Variants in STX8 observed in about 807,000 individuals in gnomAD.
STX8 encodes syntaxin 8.
Under a neutral mutation model 37.5 loss-of-function variants are expected in STX8, and 23 were observed. The ratio of observed to expected loss-of-function variants is 0.61; its 90% CI spans 0.44 to 0.87. The LOEUF is 0.87. STX8 is among the 40% of genes least tolerant of loss of function. The pLI is 0.00. For missense variants in STX8, 313 were observed against 284.7 expected, an observed-to-expected ratio of 1.10 and a Z score of -0.71; for synonymous variants, 115 against 99.1, an observed-to-expected ratio of 1.16 and a Z score of -0.95.
At chr17:9,362,363 G>A (rs1173154074) in intron 7 of STX8, among the ~76,000 whole-genome samples, 3 of 152,102 alleles carry the variant, frequency 2.0e-5, no homozygotes, top group African/African-American at 7.2e-5. Flanking sequence ...CAGCCCTAGA[G>A]CTATAATGCC....
intron 4 of STX8, among the ~76,000 whole-genome samples, chr17:9,539,140 C>T (rs1377996777): frequency 6.6e-6 from 1 of 152,188 alleles, no homozygotes; most frequent in African/African-American, 2.4e-5. Flanking sequence ...TGTCACATGA[C>T]AGCTATACAT....
At chr17:9,421,317 G>A (rs906225056) in intron 6 of STX8, among the ~76,000 whole-genome samples, 12 of 148,170 alleles carry the variant, frequency 8.1e-5, no homozygotes, top group African/African-American at 2.0e-4. Flanking sequence ...GCTTGAACCC[G>A]CGAGGCAGAG....
chr17:9,290,225 T>G (rs1213705270), intron 7 of STX8, among the ~76,000 whole-genome samples: 2 of 152,134 alleles, frequency 1.3e-5, no homozygotes, highest in Non-Finnish European at 2.9e-5. Flanking sequence ...TGTTTTCTCT[T>G]TTGAAATACA....
intron 6 of STX8, among the ~76,000 whole-genome samples, 166 bp from the exon 7 acceptor site, chr17:9,378,819 G>GA (rs530518542): frequency 3.8e-4 from 55 of 146,196 alleles, no homozygotes; most frequent in Middle Eastern, 3.5e-3. Flanking sequence ...ATTGTAAAAG[G>GA]AAAAAAAAAA....
intron 7 of STX8, among the ~76,000 whole-genome samples, chr17:9,280,090 G>A (rs1014211405): frequency 2.6e-4 from 39 of 152,226 alleles, no homozygotes; most frequent in Admixed American, 3.9e-4. Context: ...GCGTGGTGGT[G>A]CACGCCTCTA....
At chr17:9,467,510 C>T (rs190798323) in intron 6 of STX8, 6 of 152,342 alleles carry the variant, frequency 3.9e-5, no homozygotes, top group African/African-American at 1.4e-4. Flanking sequence ...AGACCTCTCT[C>T]TTCCCCTTAA....
At chr17:9,382,511 C>A (rs1911858473) in intron 6 of STX8, among the ~76,000 whole-genome samples, 1 of 152,072 alleles carries the variant, frequency 6.6e-6, no homozygotes, top group Non-Finnish European at 1.5e-5. Context: ...ATACATGTGC[C>A]ATGTTGGTTT....
intron 6 of STX8, among the ~76,000 whole-genome samples, chr17:9,485,590 G>GTT (rs1567581397): frequency 1.7e-5 from 2 of 120,594 alleles, no homozygotes; most frequent in African/African-American, 5.9e-5. Flanking sequence ...TTTGTTTTTT[G>GTT]GTTTTTTTTT....
chr17:9,557,420 G>C lies in STX8; in HGVS notation c.212+14C>G. On this transcript the variant is annotated intron_variant, in intron 3 of 7. Transcript: ENST00000306357. Reference sequence around the variant, plus strand: ...CCCACTCTAGAAAAGAGGTGGAAATGTTTACATGGATACATCTGATGTGTT... The same window carrying C: ...CCCACTCTAGAAAAGAGGTGGAAATCTTTACATGGATACATCTGATGTGTT... The C allele has an allele frequency of 1.2e-6, 2 of 1,605,584 alleles. No homozygotes were observed. Among genetic ancestry groups the C allele is most frequent in the Non-Finnish European group, 1.7e-6 (2 of 1,172,506 alleles).
At chr17:9,316,624 C>G (rs1050327967) in intron 7 of STX8, among the ~76,000 whole-genome samples, 2 of 152,184 alleles carry the variant, frequency 1.3e-5, no homozygotes, top group African/African-American at 4.8e-5. Context: ...CCCTGTGCAT[C>G]TCTTATATCT....
rs117888275 is a variant in STX8, at chr17:9,363,770, T to C, written c.643+14782A>G. Reference sequence around the variant, plus strand: ...CAATAATCAAAAAAAGATTCTACTCTGTGATCATTTCTGACCCCTTGATGA... The same window carrying C: ...CAATAATCAAAAAAAGATTCTACTCCGTGATCATTTCTGACCCCTTGATGA... On this transcript the variant is annotated intron_variant, in intron 7 of 7. Transcript: ENST00000306357. Among the ~76,000 whole-genome samples the C allele has an allele frequency of 2.6e-3, 402 of 152,342 alleles. 10 individuals carry two copies. The East Asian group carries it at 0.061, about 23-fold the overall frequency.
At chr17:9,285,713 G>C (rs1341769041) in intron 7 of STX8, among the ~76,000 whole-genome samples, 2 of 152,202 alleles carry the variant, frequency 1.3e-5, no homozygotes, top group African/African-American at 2.4e-5. Flanking sequence ...TTACATGCTG[G>C]TTATATCATG....
At chr17:9,354,561 C>T (rs1910815386) in intron 7 of STX8, among the ~76,000 whole-genome samples, 2 of 151,798 alleles carry the variant, frequency 1.3e-5, no homozygotes, top group African/African-American at 4.8e-5. Context: ...ATCTCATGAT[C>T]CGCCTGCCTC....
At chr17:9,254,258 C>T (rs890292399) in intron 7 of STX8, among the ~76,000 whole-genome samples, 6 of 152,286 alleles carry the variant, frequency 3.9e-5, no homozygotes, top group Non-Finnish European at 7.3e-5. Flanking sequence ...AGCTTCGACA[C>T]GCGCTATCCT....
rs138291721 is a variant in STX8, at chr17:9,498,808, T to G, written c.448+6230A>C. Among the ~76,000 whole-genome samples, 81 of 152,302 alleles carry G rather than the reference T, an allele frequency of 5.3e-4. 1 individual carries two copies. In the East Asian group the frequency reaches 0.014, roughly 27 times the overall value. Reference sequence around the variant, plus strand: ...AGAAACCCCATCAAGAAAGACCTCCTGGGTGAAGGTGGAATGACACTTCAT... The same window carrying G: ...AGAAACCCCATCAAGAAAGACCTCCGGGGTGAAGGTGGAATGACACTTCAT... On this transcript the variant is annotated intron_variant, in intron 5 of 7. Coordinates refer to ENST00000306357, the MANE Select transcript of STX8 (RefSeq NM_004853.3).
At chr17:9,476,798 G>A (rs557758994) in intron 6 of STX8, among the ~76,000 whole-genome samples, 283 of 151,868 alleles carry the variant, frequency 1.9e-3, no homozygotes, top group Non-Finnish European at 2.6e-3. Flanking sequence ...TGTCTTCTCC[G>A]TGTCCTCACG....
chr17:9,429,667 C>T (rs1271249487), intron 6 of STX8, among the ~76,000 whole-genome samples: 1 of 123,168 alleles, frequency 8.1e-6, no homozygotes, highest in Non-Finnish European at 1.6e-5. Flanking sequence ...CGCGTCACTG[C>T]ACTCCAGCCT....
chr17:9,392,524 T>C (rs922678520), intron 6 of STX8, among the ~76,000 whole-genome samples: 3 of 152,102 alleles, frequency 2.0e-5, no homozygotes, highest in African/African-American at 7.2e-5. Flanking sequence ...GGAGAATCAC[T>C]TGAGCCCAGG....
chr17:9,441,671 GC>G (rs1904659739), intron 6 of STX8, among the ~76,000 whole-genome samples: 3 of 135,234 alleles, frequency 2.2e-5, no homozygotes, highest in Non-Finnish European at 4.7e-5. Context: ...CAGCACCATG[GC>G]TTTTTTTTTT....
Sources: gnomAD v4.1 joint callset for allele counts (sites outside exome capture counted in the v4.1 genomes callset) on GRCh38, gnomAD v4.1.1 for gene constraint, MANE v1.5 for transcripts, NCBI Gene and HGNC (gene_info 2026-07-23, HGNC 2026-07-21) for gene names.